The following ARID1B variants were observed in gnomAD, a reference collection of about 807,000 sequenced individuals.
ARID1B encodes AT-rich interaction domain 1B.
Under a neutral mutation model 212.3 loss-of-function variants are expected in ARID1B, and 30 were observed. That is an observed-to-expected ratio of 0.14 (90% confidence interval 0.11 to 0.19). The LOEUF (loss-of-function observed/expected upper bound fraction) is 0.19. Ranked by LOEUF, ARID1B falls within the 10% of genes least tolerant of loss-of-function variation. The pLI is 1.00. For synonymous variants in ARID1B, 1,402 were observed against 1,301.7 expected (o/e 1.08, Z -1.66); for missense variants, 2,891 against 3,204.0 (o/e 0.90, Z 2.36).
Position 157,209,874 on chromosome 6 carries a change from T to A in ARID1B, c.*1983T>A, listed in dbSNP as rs1794681670. 1 of 233,268 alleles carries A rather than the reference T, an allele frequency of 4.3e-6. No homozygotes were observed. The highest frequency in any genetic ancestry group is 6.0e-5 in the East Asian group (1 of 16,570). 14.4% of individuals were successfully genotyped at this position (233,268 alleles called of 1,614,324 possible). ...CTTTCTCTTCCTGGGTCATTGACTG[T>A]TACTGTGTAATAATCGATTTCTTTG... On this transcript the variant is annotated 3_prime_UTR_variant, in exon 20 of 20. Transcript: ENST00000636930.
chr6:156,872,985 C>T (rs908968609), intron 2 of ARID1B, among the ~76,000 whole-genome samples: 1 of 152,204 alleles, frequency 6.6e-6, no homozygotes, highest in African/African-American at 2.4e-5. Context: ...CCCCTCTACT[C>T]TTCCTTCCAT....
chr6:156,778,934 A>T lies in ARID1B; in HGVS notation c.1254A>T (p.Gly418=). ...GAGGAGCAGGAGCAGGAGGAGCAGGAGCGGGAGCTGTGGCGGCGGCGGCCG... is the reference window on the plus strand; with the variant it reads ...GAGGAGCAGGAGCAGGAGGAGCAGGTGCGGGAGCTGTGGCGGCGGCGGCCG... ...GGGGAGAGGA[G]AGAVAAAAAA... Residue 418 remains glycine (G), a synonymous_variant, in exon 1 of 20, where the codon GGA becomes GGT. Transcript: ENST00000636930. The T allele has an allele frequency of 7.7e-7, 1 of 1,305,342 alleles. No individual in the cohort carries two copies. The highest frequency in any genetic ancestry group is 9.7e-7 in the Non-Finnish European group (1 of 1,035,384). The allele number at this position is 1,305,342 out of a possible 1,614,324, so 80.9% of individuals were successfully genotyped here. A position where few individuals can be genotyped will look rare whatever the true frequency, so the allele number is the denominator to read the frequency against.
chr6:157,039,622 C>CTTCG (rs1208987535), intron 4 of ARID1B, among the ~76,000 whole-genome samples: 4 of 116,402 alleles, frequency 3.4e-5, no homozygotes, highest in African/African-American at 1.5e-4. Flanking sequence ...ACCTACCTTC[C>CTTCG]TTCCTTCCTT....
intron 4 of ARID1B, chr6:156,937,663 G>C (rs1179479915): frequency 2.6e-5 from 4 of 152,196 alleles, no homozygotes; most frequent in Admixed American, 2.6e-4. Context: ...AGTTTGGTCT[G>C]GGATAGGAGC....
chr6:156,819,193 CCTT>C (rs553563031), intron 1 of ARID1B, among the ~76,000 whole-genome samples: 235 of 152,246 alleles, frequency 1.5e-3, no homozygotes, highest in African/African-American at 5.3e-3. Flanking sequence ...TATTATTTCT[CCTT>C]CTTAAATAAG....
chr6:157,078,259 C>A (rs978231862), intron 4 of ARID1B, among the ~76,000 whole-genome samples: 2 of 152,066 alleles, frequency 1.3e-5, no homozygotes, highest in African/African-American at 2.4e-5. Context: ...TCAGTTGTTG[C>A]TAAAGTCAGC....
intron 4 of ARID1B, among the ~76,000 whole-genome samples, chr6:157,001,772 C>T (rs916898159): frequency 2.0e-5 from 3 of 152,322 alleles, no homozygotes; most frequent in Admixed American, 1.3e-4. Context: ...TGACTCATTA[C>T]TTCAGCTTTT....
intron 4 of ARID1B, among the ~76,000 whole-genome samples, chr6:157,019,253 T>C (rs1780084333): frequency 6.6e-6 from 1 of 152,130 alleles, no homozygotes; most frequent in South Asian, 2.1e-4. Flanking sequence ...TTCACAGTAT[T>C]CTAGGCTTAG....
chr6:156,930,591 G>C (rs928314430), intron 3 of ARID1B, among the ~76,000 whole-genome samples: 6 of 152,130 alleles, frequency 3.9e-5, no homozygotes, highest in Non-Finnish European at 7.3e-5. Flanking sequence ...AGATATATGC[G>C]TAAGGATGCT....
At chr6:157,121,757 G>A (rs980771114) in intron 6 of ARID1B, among the ~76,000 whole-genome samples, 15 of 148,282 alleles carry the variant, frequency 1.0e-4, no homozygotes, top group South Asian at 4.3e-4. Context: ...TCAGCCTCCC[G>A]AGTAGCTGGA....
chr6:157,176,035 T>C (rs1414090104), intron 11 of ARID1B, among the ~76,000 whole-genome samples: 1 of 152,212 alleles, frequency 6.6e-6, no homozygotes, highest in East Asian at 1.9e-4. Context: ...GAGGCTGCTA[T>C]TAATTATCCA....
intron 2 of ARID1B, among the ~76,000 whole-genome samples, chr6:156,893,051 T>TGTTTG (rs201418007): frequency 1.4e-5 from 2 of 138,396 alleles, no homozygotes; most frequent in African/African-American, 2.8e-5. Context: ...CTTCCTTTTT[T>TGTTTG]TTTTTTTTTG....
At chr6:156,903,403 A>G (rs1011214419) in intron 3 of ARID1B, among the ~76,000 whole-genome samples, 1 of 152,202 alleles carries the variant, frequency 6.6e-6, no homozygotes, top group East Asian at 1.9e-4. Flanking sequence ...ACATTGCTCA[A>G]AATACATTGG....
At chr6:157,116,145 C>T (rs12212699) in intron 6 of ARID1B, among the ~76,000 whole-genome samples, 42,073 of 151,996 alleles carry the variant, frequency 0.28, 6,499 homozygotes, top group East Asian at 0.67. Flanking sequence ...GGAGGAAATA[C>T]GGAATAGTCA....
At chr6:156,868,831 A>G (rs1435676593) in intron 2 of ARID1B, among the ~76,000 whole-genome samples, 1 of 152,248 alleles carries the variant, frequency 6.6e-6, no homozygotes, top group Non-Finnish European at 1.5e-5. Context: ...TTTTTTAGAA[A>G]TAGGATTTAG....
chr6:156,893,335 T>A lies in ARID1B; in HGVS notation c.1987-8041T>A, dbSNP rs1788112234. Reference sequence around the variant, plus strand: ...GCCACTGTACCTGGCTATAAAACTCTTAAAAGAAAACAGAGGAAAAGTTTG... The same window carrying A: ...GCCACTGTACCTGGCTATAAAACTCATAAAAGAAAACAGAGGAAAAGTTTG... On this transcript the variant is annotated intron_variant, in intron 2 of 19. Transcript: ENST00000636930. Among the ~76,000 whole-genome samples, 3 of 152,292 alleles carry A rather than the reference T, an allele frequency of 2.0e-5. No individual in the cohort carries two copies. In the East Asian group the frequency reaches 5.8e-4, roughly 29 times the overall value.
At chr6:157,185,023 T>G (rs1562332212) in intron 13 of ARID1B, 1 of 158,022 alleles carries the variant, frequency 6.3e-6, no homozygotes, top group Non-Finnish European at 1.4e-5. Context: ...AGCCTTGTTC[T>G]GGAAGTCAGG....
chr6:156,872,767 C>T (rs1238170875), intron 2 of ARID1B, among the ~76,000 whole-genome samples: 1 of 152,188 alleles, frequency 6.6e-6, no homozygotes, highest in East Asian at 1.9e-4. Context: ...CTTCAGCACC[C>T]TTTTCCAACT....
At chr6:157,026,419 T>A (rs901816818) in intron 4 of ARID1B, among the ~76,000 whole-genome samples, 1 of 152,230 alleles carries the variant, frequency 6.6e-6, no homozygotes, top group African/African-American at 2.4e-5. Flanking sequence ...TTATTTAATG[T>A]CAAGATGTAC....
Sources: allele counts gnomAD v4.1 joint callset (sites outside exome capture counted in the v4.1 genomes callset), GRCh38; gene constraint gnomAD v4.1.1; transcripts MANE v1.5; gene names NCBI Gene and HGNC (gene_info 2026-07-23, HGNC 2026-07-21).